SEMA3C: variants seen among roughly 807,000 people sequenced by gnomAD.
SEMA3C encodes semaphorin-3C.
A neutral mutation model predicts 89.4 loss-of-function variants in SEMA3C; 47 were observed. The observed-to-expected ratio is 0.53, with a 90% CI of 0.42 to 0.67. The LOEUF (loss-of-function observed/expected upper bound fraction) is 0.67. Among genes scored for constraint, SEMA3C ranks in the 30% least tolerant of loss-of-function variants. The probability of loss-of-function intolerance (pLI) is 0.00; values close to 1 mark genes in which losing one functional copy is unlikely to be tolerated. For missense variants in SEMA3C, 839 were observed against 929.1 expected, an observed-to-expected ratio of 0.90 and a Z score of 1.26; for synonymous variants, 310 against 320.2, an observed-to-expected ratio of 0.97 and a Z score of 0.34.
chr7:80,863,786 TA>T, intron 2 of SEMA3C, among the ~76,000 whole-genome samples: 6 of 133,298 alleles, frequency 4.5e-5, no homozygotes, highest in Non-Finnish European at 7.8e-5. Flanking sequence ...ATATATATAG[TA>T]GTATTCCATC....
At chr7:80,806,066 A>C (rs1343889767) in intron 6 of SEMA3C, among the ~76,000 whole-genome samples, 1 of 152,010 alleles carries the variant, frequency 6.6e-6, no homozygotes, top group Non-Finnish European at 1.5e-5. Context: ...TTTTATATAG[A>C]GTCTATCAGA....
chr7:80,791,258 C>CA (rs1194279513), intron 11 of SEMA3C, among the ~76,000 whole-genome samples: 1 of 152,088 alleles, frequency 6.6e-6, no homozygotes, highest in Non-Finnish European at 1.5e-5. Context: ...AGCCAGAACT[C>CA]AAACTCACTC....
intron 2 of SEMA3C, among the ~76,000 whole-genome samples, chr7:80,846,422 T>A (rs576630202): frequency 1.3e-5 from 2 of 152,322 alleles, no homozygotes; most frequent in African/African-American, 4.8e-5. Flanking sequence ...AGTTGCACGA[T>A]CACAGTTCAC....
At chr7:80,885,187 G>A (rs926909908) in intron 2 of SEMA3C, among the ~76,000 whole-genome samples, 9 of 152,276 alleles carry the variant, frequency 5.9e-5, no homozygotes, top group Admixed American at 1.3e-4. Context: ...CTGAAGCAGA[G>A]TATCACCTGA....
intron 16 of SEMA3C, among the ~76,000 whole-genome samples, chr7:80,750,934 A>T (rs1291716730): frequency 6.6e-6 from 1 of 152,178 alleles, no homozygotes. Context: ...ATGCTGTTCT[A>T]AGGGTTCTTC....
intron 5 of SEMA3C, among the ~76,000 whole-genome samples, chr7:80,815,575 T>TAAAAAAAAAAAAAAAAAAAAAA (rs1789585531): frequency 4.6e-4 from 38 of 81,988 alleles, no homozygotes; most frequent in Admixed American, 7.8e-4. Flanking sequence ...AAAAAAAAAG[T>TAAAAAAAAAAAAAAAAAAAAAA]AAATGTAGAG....
chr7:80,799,290 G>GA (rs57660530), intron 10 of SEMA3C, among the ~76,000 whole-genome samples: 2,011 of 151,416 alleles, frequency 0.013, 52 homozygotes, highest in African/African-American at 0.046. Flanking sequence ...TCCCATTAAA[G>GA]AAAAAAAACA....
intron 12 of SEMA3C, among the ~76,000 whole-genome samples, chr7:80,775,277 T>C (rs1423214819): frequency 6.6e-6 from 1 of 152,106 alleles, no homozygotes; most frequent in African/African-American, 2.4e-5. Context: ...TATGATTCTC[T>C]TTTTGTTAGT....
At chr7:80,893,672 G>C (rs77031773) in intron 2 of SEMA3C, among the ~76,000 whole-genome samples, 1,635 of 152,110 alleles carry the variant, frequency 0.011, 25 homozygotes, top group African/African-American at 0.037. Context: ...ATATTGGAAG[G>C]CTTGGGTGGA....
chr7:80,851,504 TAAAAAAAAAAAAAAA>T (rs35936052), intron 2 of SEMA3C, among the ~76,000 whole-genome samples: 1,292 of 69,840 alleles, frequency 0.018, 40 homozygotes, highest in African/African-American at 0.064. Flanking sequence ...CTCTTGTCTT[TAAAAAAAAAAAAAAA>T]AAAAAAAAAA....
intron 2 of SEMA3C, among the ~76,000 whole-genome samples, chr7:80,836,839 T>A (rs1292165332): frequency 6.6e-6 from 1 of 152,156 alleles, no homozygotes; most frequent in African/African-American, 2.4e-5. Context: ...CAGCCCCAGA[T>A]TGTGCCCATT....
intron 2 of SEMA3C, among the ~76,000 whole-genome samples, chr7:80,862,624 C>T (rs1202437491): frequency 6.6e-6 from 1 of 151,966 alleles, no homozygotes; most frequent in African/African-American, 2.4e-5. Context: ...AAAAAAGAGC[C>T]TGTATAGCCA....
chr7:80,869,121 G>T (rs1237577180), intron 2 of SEMA3C, among the ~76,000 whole-genome samples: 1 of 152,048 alleles, frequency 6.6e-6, no homozygotes, highest in East Asian at 1.9e-4. Flanking sequence ...TTAAAATCCT[G>T]GTGTTCCAAA....
intron 8 of SEMA3C, 94 bp from the exon 9 acceptor site, chr7:80,802,873 A>G: frequency 2.6e-6 from 2 of 759,438 alleles, no homozygotes; most frequent in Non-Finnish European, 4.5e-6. Context: ...TGGAGGATGA[A>G]AATCTGAAGA....
At chr7:80,821,288 T>A (rs969596416) in intron 4 of SEMA3C, among the ~76,000 whole-genome samples, 17 of 152,344 alleles carry the variant, frequency 1.1e-4, no homozygotes, top group South Asian at 4.1e-4. Context: ...TTGAGTTTTT[T>A]AAAAAAATAA....
intron 2 of SEMA3C, among the ~76,000 whole-genome samples, chr7:80,909,472 AG>A (rs1562981408): frequency 1.3e-5 from 2 of 152,194 alleles, no homozygotes; most frequent in Non-Finnish European, 2.9e-5. Context: ...AGTTGTACTA[AG>A]GTAGTAATTT....
intron 5 of SEMA3C, among the ~76,000 whole-genome samples, chr7:80,817,833 T>G (rs933770946): frequency 6.6e-6 from 1 of 152,116 alleles, no homozygotes; most frequent in Non-Finnish European, 1.5e-5. Flanking sequence ...TTTATAAAAT[T>G]TTATTGAATT....
chr7:80,754,967 T>TGTTTTTTTTGTTTTTTGTTG (rs71079139), intron 15 of SEMA3C, among the ~76,000 whole-genome samples: 1 of 115,848 alleles, frequency 8.6e-6, no homozygotes, highest in Non-Finnish European at 1.9e-5. Flanking sequence ...GTTTTTTTTT[T>TGTTTTTTTTGTTTTTTGTTG]TTTTGTATTT....
At chr7:80,864,005 T>C (rs764782820) in intron 2 of SEMA3C, among the ~76,000 whole-genome samples, 1 of 151,130 alleles carries the variant, frequency 6.6e-6, no homozygotes, top group Non-Finnish European at 1.5e-5. Flanking sequence ...CACATATATA[T>C]CGCATGTATA....
Sources: allele counts gnomAD v4.1 joint callset (sites outside exome capture counted in the v4.1 genomes callset), GRCh38; gene constraint gnomAD v4.1.1; transcripts MANE v1.5; gene names NCBI Gene and HGNC (gene_info 2026-07-23, HGNC 2026-07-21).